Variants in ZNF33B observed in about 807,000 individuals in gnomAD.
ZNF33B encodes zinc finger protein 33B.
In ZNF33B, 29 loss-of-function variants were observed where a neutral mutation model predicts 45.8. That is an observed-to-expected ratio of 0.63 (90% CI 0.47 to 0.86). The LOEUF is 0.86. Among genes scored for constraint, ZNF33B ranks in the 40% least tolerant of loss-of-function variants. The pLI, the probability that ZNF33B is intolerant of heterozygous loss-of-function variation, is 0.00. For missense variants in ZNF33B, 831 were observed against 909.9 expected, an observed-to-expected ratio of 0.91 and a Z score of 1.12; for synonymous variants, 305 against 307.8, an observed-to-expected ratio of 0.99 and a Z score of 0.10.
chr10:42,623,010 G>A (rs1838657628), intron 4 of ZNF33B, among the ~76,000 whole-genome samples: 1 of 152,200 alleles, frequency 6.6e-6, no homozygotes, highest in Admixed American at 6.5e-5. Context: ...GCTCACGCCT[G>A]TAATCCCAGC....
chr10:42,587,102 T>C (rs1215315966), downstream of ZNF33B, among the ~76,000 whole-genome samples: 2 of 152,146 alleles, frequency 1.3e-5, no homozygotes, highest in African/African-American at 2.4e-5. Context: ...AGATCACTAA[T>C]CATTCATGAG....
intron 4 of ZNF33B, among the ~76,000 whole-genome samples, chr10:42,618,189 C>T (rs1323889209): frequency 6.6e-6 from 1 of 152,106 alleles, no homozygotes; most frequent in African/African-American, 2.4e-5. Context: ...TGGGGTGGAC[C>T]AGAACAAACA....
chr10:42,574,669 C>T (rs898670145), exon 2 of ZNF33B: 25 of 152,064 alleles, frequency 1.6e-4, no homozygotes, highest in African/African-American at 6.0e-4. Flanking sequence ...TCTCCTGAGG[C>T]TGATGACATC....
intron 4 of ZNF33B, among the ~76,000 whole-genome samples, chr10:42,613,349 A>T (rs1589049127): frequency 6.6e-6 from 1 of 152,078 alleles, no homozygotes; most frequent in South Asian, 2.1e-4. Context: ...GGAGTTCGTG[A>T]CCAGCCTGTA....
chr10:42,615,743 G>A (rs1221363513), intron 4 of ZNF33B, among the ~76,000 whole-genome samples: 1 of 152,136 alleles, frequency 6.6e-6, no homozygotes, highest in Non-Finnish European at 1.5e-5. Context: ...GGCCAACACA[G>A]TGAAACCCTG....
intron 4 of ZNF33B, among the ~76,000 whole-genome samples, chr10:42,608,877 A>G (rs566738755): frequency 4.1e-4 from 59 of 145,508 alleles, no homozygotes; most frequent in Non-Finnish European, 7.1e-4. Flanking sequence ...TTAGACTGAC[A>G]ATGGAAAAAA....
intron 4 of ZNF33B, among the ~76,000 whole-genome samples, chr10:42,615,832 G>A (rs1262035901): frequency 6.6e-6 from 1 of 151,730 alleles, no homozygotes; most frequent in Non-Finnish European, 1.5e-5. Context: ...GGCTGTGGCA[G>A]GAGAATCGCT....
Position 42,594,594 on chromosome 10 carries a change from C to T in ZNF33B, c.356G>A (p.Gly119Asp). 1 of 1,611,778 alleles carries T rather than the reference C, an allele frequency of 6.2e-7. No individual in the cohort carries two copies. The highest frequency in any genetic ancestry group is 8.5e-7 in the Non-Finnish European group (1 of 1,179,332). Residue 119 changes from glycine (G) to aspartate (D), a missense_variant, in exon 5 of 5, where the codon GGT becomes GAT. Gly to Asp is a moderately conservative substitution (Grantham distance 94, BLOSUM62 -1). Transcript: ENST00000359467. ...GTTAAATGGTATTCCTATTACATTA[C>T]CTTGTTCCTTAGTCAGCATTTCATT... ...INNEMLTKEQGNVIGIPFNMD... is the reference protein window; with the variant it reads ...INNEMLTKEQDNVIGIPFNMD...
intron 4 of ZNF33B, among the ~76,000 whole-genome samples, chr10:42,626,464 C>T (rs1156763243): frequency 6.6e-6 from 1 of 151,914 alleles, no homozygotes; most frequent in Non-Finnish European, 1.5e-5. Flanking sequence ...CTGAGGTGGG[C>T]GGACCACAAG....
At chr10:42,595,731 T>A (rs1033306219) in intron 4 of ZNF33B, among the ~76,000 whole-genome samples, 2 of 152,156 alleles carry the variant, frequency 1.3e-5, no homozygotes, top group African/African-American at 4.8e-5. Context: ...ACTGGTCATA[T>A]GCACAGAGAA....
chr10:42,628,578 T>C (rs1431617072), intron 4 of ZNF33B, among the ~76,000 whole-genome samples: 2 of 152,240 alleles, frequency 1.3e-5, no homozygotes, highest in African/African-American at 2.4e-5. Context: ...TATATAATGT[T>C]CTTTTTGTCT....
At chr10:42,622,059 A>T (rs1838615574) in intron 4 of ZNF33B, among the ~76,000 whole-genome samples, 1 of 152,226 alleles carries the variant, frequency 6.6e-6, no homozygotes, top group South Asian at 2.1e-4. Flanking sequence ...CTGAAAAGAA[A>T]ATTAAGAAAA....
chr10:42,605,512 A>G (rs965744842), intron 4 of ZNF33B, among the ~76,000 whole-genome samples: 3 of 152,176 alleles, frequency 2.0e-5, no homozygotes, highest in African/African-American at 4.8e-5. Flanking sequence ...GAGGGTGAAA[A>G]TTTAAAATCC....
downstream of ZNF33B, among the ~76,000 whole-genome samples, chr10:42,587,905 G>A (rs116581430): frequency 0.013 from 2,054 of 152,286 alleles, 43 homozygotes; most frequent in African/African-American, 0.046. Flanking sequence ...AAGTGAAGGC[G>A]CAGCACAGGG....
downstream of ZNF33B, among the ~76,000 whole-genome samples, chr10:42,585,162 T>G (rs1836906318): frequency 6.6e-6 from 1 of 152,196 alleles, no homozygotes; most frequent in African/African-American, 2.4e-5. Flanking sequence ...TGGACACCAC[T>G]TTAGTCTCTG....
intron 4 of ZNF33B, among the ~76,000 whole-genome samples, chr10:42,612,672 A>G (rs1282179208): frequency 4.6e-5 from 7 of 152,162 alleles, no homozygotes; most frequent in Non-Finnish European, 1.0e-4. Flanking sequence ...TCTTCTTCAC[A>G]AGGTCTTCAT....
In ZNF33B at chr10:42,592,204, C is replaced by T. The variant is rs1048724717; in HGVS notation, c.*409G>A. 7.3e-6 allele frequency: 2 copies of T among 272,456 alleles called. No homozygotes were observed. Among genetic ancestry groups the T allele is most frequent in the South Asian group, 1.3e-4 (1 of 7,898 alleles). 16.9% of individuals were successfully genotyped at this position (272,456 alleles called of 1,614,324 possible). On this transcript the variant is annotated 3_prime_UTR_variant, in exon 5 of 5. Transcript: ENST00000359467. ...TACATCTATAAATTATTGTTAGATA[C>T]CTTAAAAACTATTATGGCATCAAAC...
intron 4 of ZNF33B, among the ~76,000 whole-genome samples, chr10:42,595,098 A>G (rs1216539181): frequency 1.3e-5 from 2 of 152,226 alleles, no homozygotes; most frequent in Admixed American, 1.3e-4. Context: ...TAGGAGATGG[A>G]GAATATTACT....
chr10:42,592,120 G>C lies in ZNF33B; in HGVS notation c.*493C>G, dbSNP rs1308638761. The C allele has an allele frequency of 6.1e-6, 1 of 162,702 alleles. No homozygotes were observed. Among genetic ancestry groups the C allele is most frequent in the Admixed American group, 6.2e-5 (1 of 16,192 alleles). 10.1% of individuals were successfully genotyped at this position (162,702 alleles called of 1,614,324 possible). The stretch of plus-strand genomic sequence containing the variant: ...TTCTCTGTACTCATTACAACTTCTT[G>C]TGAGGTTATTTTAATTATTACTTCT... On this transcript the variant is annotated 3_prime_UTR_variant, in exon 5 of 5. Transcript: ENST00000359467.
Sources: gnomAD v4.1 joint callset for allele counts (sites outside exome capture counted in the v4.1 genomes callset) on GRCh38, gnomAD v4.1.1 for gene constraint, MANE v1.5 for transcripts, NCBI Gene and HGNC (gene_info 2026-07-23, HGNC 2026-07-21) for gene names.